SMAP1: variants seen among roughly 807,000 people sequenced by gnomAD.
SMAP1 encodes small ArfGAP 1, also known as stromal membrane-associated protein 1.
A neutral mutation model predicts 58.5 loss-of-function variants in SMAP1; 24 were observed. That is an observed-to-expected ratio of 0.41 (90% confidence interval 0.30 to 0.58). SMAP1 has a LOEUF of 0.58. Among genes scored for constraint, SMAP1 ranks in the 20% least tolerant of loss-of-function variants. The pLI is 0.29. For missense variants in SMAP1, 563 were observed against 566.3 expected (o/e 0.99, Z 0.06); for synonymous variants, 216 against 196.6 (o/e 1.10, Z -0.82).
intron 3 of SMAP1, among the ~76,000 whole-genome samples, chr6:70,764,878 C>A (rs903775582): frequency 6.6e-5 from 10 of 152,138 alleles, no homozygotes; most frequent in African/African-American, 2.4e-4. Context: ...TAGTTCACTG[C>A]ACCCCTGACT....
chr6:70,763,267 A>G (rs907496878), intron 3 of SMAP1, among the ~76,000 whole-genome samples: 8 of 151,930 alleles, frequency 5.3e-5, no homozygotes, highest in East Asian at 1.9e-4. Flanking sequence ...TATTAGTAGT[A>G]TATCTTTATG....
At chr6:70,668,387 C>T (rs1024638740) in intron 1 of SMAP1, 15 of 907,416 alleles carry the variant, frequency 1.7e-5, no homozygotes, top group East Asian at 3.0e-5. Context: ...CTCCCAGACA[C>T]GGGTTTGAGC....
intron 7 of SMAP1, among the ~76,000 whole-genome samples, chr6:70,841,531 T>C (rs915602762): frequency 2.6e-5 from 4 of 152,228 alleles, no homozygotes; most frequent in South Asian, 2.1e-4. Flanking sequence ...ATAAAACTGA[T>C]TTGATTTTAT....
chr6:70,849,887 T>G (rs1421735940), intron 7 of SMAP1, among the ~76,000 whole-genome samples: 1 of 152,204 alleles, frequency 6.6e-6, no homozygotes, highest in Non-Finnish European at 1.5e-5. Context: ...AATGTGTTGC[T>G]TTTACAGTAA....
intron 6 of SMAP1, among the ~76,000 whole-genome samples, chr6:70,822,913 G>C (rs1769950793): frequency 6.6e-6 from 1 of 151,766 alleles, no homozygotes; most frequent in African/African-American, 2.4e-5. Context: ...TCTTCCCTCA[G>C]CTGTGTCCAG....
chr6:70,715,145 CT>C (rs1768216687), intron 1 of SMAP1, among the ~76,000 whole-genome samples: 1 of 129,240 alleles, frequency 7.7e-6, no homozygotes, highest in Admixed American at 9.6e-5. Flanking sequence ...GTTGCCCAGG[CT>C]GGAGTGCAGT....
intron 1 of SMAP1, among the ~76,000 whole-genome samples, chr6:70,730,677 G>T (rs1332311903): frequency 1.3e-5 from 2 of 152,118 alleles, no homozygotes; most frequent in Admixed American, 6.5e-5. Context: ...ATTTGGGGGG[G>T]CATTATTTTT....
chr6:70,754,460 G>A (rs1766403685), intron 2 of SMAP1, among the ~76,000 whole-genome samples: 1 of 151,978 alleles, frequency 6.6e-6, no homozygotes, highest in Non-Finnish European at 1.5e-5. Flanking sequence ...TCCTCAAAGG[G>A]ATTATTATTA....
intron 4 of SMAP1, among the ~76,000 whole-genome samples, chr6:70,784,048 G>A (rs1434777491): frequency 6.6e-6 from 1 of 152,138 alleles, no homozygotes; most frequent in Non-Finnish European, 1.5e-5. Context: ...AGGGCAGCCA[G>A]AGAGAAAGGT....
intron 4 of SMAP1, 104 bp downstream of exon 4, chr6:70,773,529 A>G (rs1218592102): frequency 1.6e-6 from 1 of 623,628 alleles, no homozygotes; most frequent in Non-Finnish European, 2.6e-6. Context: ...TACTAGTTGT[A>G]TATATTTACA....
intron 5 of SMAP1, among the ~76,000 whole-genome samples, chr6:70,792,077 T>A (rs952034244): frequency 3.9e-5 from 6 of 152,110 alleles, no homozygotes; most frequent in South Asian, 2.1e-4. Flanking sequence ...TTAAAAAAAA[T>A]TTTCTTTCTA....
chr6:70,829,507 A>T (rs1309157057), intron 6 of SMAP1, among the ~76,000 whole-genome samples: 2 of 150,300 alleles, frequency 1.3e-5, no homozygotes, highest in Non-Finnish European at 2.9e-5. Context: ...AATTTTTGAT[A>T]GATAGAAATT....
intron 2 of SMAP1, among the ~76,000 whole-genome samples, chr6:70,735,273 T>G (rs1765576488): frequency 6.6e-6 from 1 of 152,146 alleles, no homozygotes; most frequent in Non-Finnish European, 1.5e-5. Context: ...GAAAGTTCCT[T>G]CATGCCAATT....
intron 3 of SMAP1, among the ~76,000 whole-genome samples, chr6:70,756,176 G>T (rs1391425009): frequency 1.3e-5 from 2 of 151,966 alleles, no homozygotes; most frequent in Non-Finnish European, 2.9e-5. Context: ...TTAATTGTAG[G>T]TACGTGGATT....
At chr6:70,758,234 A>G (rs1766591569) in intron 3 of SMAP1, among the ~76,000 whole-genome samples, 1 of 151,882 alleles carries the variant, frequency 6.6e-6, no homozygotes, top group Non-Finnish European at 1.5e-5. Flanking sequence ...CATGGATGAA[A>G]TTGGAAATCA....
intron 1 of SMAP1, among the ~76,000 whole-genome samples, chr6:70,681,250 C>T (rs1766698853): frequency 6.6e-6 from 1 of 151,900 alleles, no homozygotes; most frequent in Non-Finnish European, 1.5e-5. Context: ...GAAACTCTGT[C>T]TCTACAAAAA....
At chr6:70,854,419 C>G (rs1771312501) in intron 8 of SMAP1, among the ~76,000 whole-genome samples, 1 of 152,064 alleles carries the variant, frequency 6.6e-6, no homozygotes, top group African/African-American at 2.4e-5. Flanking sequence ...GCCAGGAGTT[C>G]AACACCAGCC....
intron 4 of SMAP1, among the ~76,000 whole-genome samples, chr6:70,790,163 C>T (rs1456385205): frequency 4.6e-5 from 7 of 151,920 alleles, no homozygotes; most frequent in African/African-American, 7.3e-5. Flanking sequence ...TTTTTTGAGA[C>T]GGAGTCTCGC....
chr6:70,821,657 G>A (rs993398108), intron 6 of SMAP1, among the ~76,000 whole-genome samples: 2 of 152,106 alleles, frequency 1.3e-5, no homozygotes, highest in Admixed American at 6.6e-5. Flanking sequence ...TAAAAAGAGC[G>A]AATTGAATAC....
Sources: gnomAD v4.1 joint callset for allele counts (sites outside exome capture counted in the v4.1 genomes callset) on GRCh38, gnomAD v4.1.1 for gene constraint, MANE v1.5 for transcripts, NCBI Gene and HGNC (gene_info 2026-07-23, HGNC 2026-07-21) for gene names.